TOM1L2: variants seen among roughly 807,000 people sequenced by gnomAD.
TOM1L2 encodes TOM1-like protein 2.
TOM1L2 carries 31 observed loss-of-function variants against 67.9 expected under a neutral mutation model. The ratio of observed to expected loss-of-function variants is 0.46; its 90% CI spans 0.34 to 0.62. The LOEUF (loss-of-function observed/expected upper bound fraction) is 0.62, where lower values mean the gene tolerates loss of function less well. Among genes scored for constraint, TOM1L2 ranks in the 20% least tolerant of loss-of-function variants. The pLI is 0.01. For missense variants in TOM1L2, 606 were observed against 663.5 expected (o/e 0.91, Z 0.95); for synonymous variants, 256 against 254.0 (o/e 1.01, Z -0.07).
Position 17,961,789 on chromosome 17 carries a change from G to A in TOM1L2, c.52+10473C>T, listed in dbSNP as rs183778523. Among the ~76,000 whole-genome samples, 1,213 of 151,282 alleles carry A rather than the reference G, an allele frequency of 8.0e-3. 11 individuals are homozygous for A. The highest frequency in any genetic ancestry group is 0.029 in the African/African-American group (1,177 of 41,220). On this transcript the variant is annotated intron_variant, in intron 1 of 14. Coordinates refer to ENST00000379504, the MANE Select transcript of TOM1L2 (RefSeq NM_001082968.2). ...CGGGAGGCTGAGGCAGGAGAATGGC[G>A]TGAACCCGGGAGGTGGAGCTTGCAG...
At chr17:17,876,276 T>C (rs765794471) in intron 7 of TOM1L2, among the ~76,000 whole-genome samples, 11 of 152,162 alleles carry the variant, frequency 7.2e-5, no homozygotes, top group African/African-American at 2.7e-4. Flanking sequence ...ATGACAAAGA[T>C]AGGCTTAACC....
intron 1 of TOM1L2, among the ~76,000 whole-genome samples, chr17:17,937,731 T>C (rs935515037): frequency 5.9e-5 from 9 of 152,162 alleles, no homozygotes; most frequent in Admixed American, 5.9e-4. Context: ...AGTGCAAGGA[T>C]AAATGACACT....
At chr17:17,970,870 GT>G (rs750044741) in intron 1 of TOM1L2, among the ~76,000 whole-genome samples, 4 of 152,130 alleles carry the variant, frequency 2.6e-5, no homozygotes, top group Non-Finnish European at 5.9e-5. Context: ...CATAAAAGAC[GT>G]TTTACCAGTC....
chr17:17,943,802 T>G (rs2040830908), intron 1 of TOM1L2, among the ~76,000 whole-genome samples: 1 of 152,186 alleles, frequency 6.6e-6, no homozygotes. Flanking sequence ...GGTGACTATC[T>G]CTAACCAGCC....
chr17:17,871,509 A>G (rs2037155015), intron 7 of TOM1L2, among the ~76,000 whole-genome samples: 1 of 152,124 alleles, frequency 6.6e-6, no homozygotes, highest in South Asian at 2.1e-4. Flanking sequence ...ATCTCTACGA[A>G]AAAATACAAA....
At chr17:17,904,846 A>G (rs954799660) in intron 2 of TOM1L2, among the ~76,000 whole-genome samples, 1 of 152,174 alleles carries the variant, frequency 6.6e-6, no homozygotes, top group African/African-American at 2.4e-5. Flanking sequence ...ATCCTGGAAG[A>G]CAGCCCCTCC....
intron 12 of TOM1L2, among the ~76,000 whole-genome samples, chr17:17,852,956 C>T (rs2036066787): frequency 6.6e-6 from 1 of 150,670 alleles, no homozygotes; most frequent in Non-Finnish European, 1.5e-5. Context: ...GGACAGGAGG[C>T]ATGTGGGTCC....
intron 2 of TOM1L2, among the ~76,000 whole-genome samples, chr17:17,904,079 T>C (rs1237194220): frequency 6.6e-6 from 1 of 152,170 alleles, no homozygotes; most frequent in African/African-American, 2.4e-5. Flanking sequence ...GCAATCCTCC[T>C]GCCTCAGCCT....
At chr17:17,965,019 T>C (rs1568403569) in intron 1 of TOM1L2, among the ~76,000 whole-genome samples, 1 of 152,290 alleles carries the variant, frequency 6.6e-6, no homozygotes, top group East Asian at 1.9e-4. Flanking sequence ...CCTTGGCACC[T>C]TTCTGTTTCT....
chr17:17,940,192 C>CA (rs34433429), intron 1 of TOM1L2, among the ~76,000 whole-genome samples: 4,028 of 32,252 alleles, frequency 0.12, 529 homozygotes, highest in African/African-American at 0.2. Context: ...GACTCTATCT[C>CA]AAAAAAAAAA....
At chr17:17,853,443 C>T (rs183034102) in intron 12 of TOM1L2, among the ~76,000 whole-genome samples, 8 of 152,246 alleles carry the variant, frequency 5.3e-5, no homozygotes, top group Admixed American at 5.2e-4. Flanking sequence ...AGAACAAATC[C>T]CTTGAGGCCT....
chr17:17,894,936 C>CATAT (rs2038479572), intron 3 of TOM1L2, among the ~76,000 whole-genome samples: 1 of 106,970 alleles, frequency 9.3e-6, no homozygotes, highest in South Asian at 2.5e-4. Flanking sequence ...GTCTCAAAAA[C>CATAT]ATACATACAT....
chr17:17,948,920 G>A (rs2041067271), intron 1 of TOM1L2, among the ~76,000 whole-genome samples: 1 of 152,162 alleles, frequency 6.6e-6, no homozygotes, highest in Non-Finnish European at 1.5e-5. Context: ...GAAAGAGTTG[G>A]AGTACAGAGC....
intron 1 of TOM1L2, among the ~76,000 whole-genome samples, chr17:17,909,426 GA>G (rs1343869497): frequency 1.3e-5 from 2 of 152,088 alleles, no homozygotes; most frequent in African/African-American, 4.8e-5. Flanking sequence ...AAAAAGGAAG[GA>G]AATCCTATTG....
In TOM1L2 at chr17:17,972,302, G is replaced by A; in HGVS notation, c.12C>T (p.Leu4=). ...CTGGTGTGCTGAACGGGTTCCCCAG[G>A]AGGAACTCCATCTTGGGTGGACAAC... MEF[L]LGNPFSTPVG... Residue 4 remains leucine (L), a synonymous_variant, in exon 1 of 15, where the codon CTC becomes CTT. Coordinates refer to ENST00000379504, the MANE Select transcript of TOM1L2 (RefSeq NM_001082968.2). 6.4e-7 allele frequency: 1 copy of A among 1,551,862 alleles called. No homozygotes were observed. Among genetic ancestry groups the A allele is most frequent in the Non-Finnish European group, 8.7e-7 (1 of 1,148,306 alleles).
At chr17:17,897,116 G>A (rs893242542) in intron 3 of TOM1L2, among the ~76,000 whole-genome samples, 19 of 152,266 alleles carry the variant, frequency 1.2e-4, no homozygotes, top group East Asian at 5.8e-4. Context: ...CATCCAACAC[G>A]ATTACCATGA....
chr17:17,957,671 G>A (rs1193208195), intron 1 of TOM1L2, among the ~76,000 whole-genome samples: 1 of 150,838 alleles, frequency 6.6e-6, no homozygotes, highest in African/African-American at 2.4e-5. Context: ...TATAAAATAT[G>A]TATATGTATA....
At chr17:17,850,708 C>CT (rs1321146341) in intron 13 of TOM1L2, among the ~76,000 whole-genome samples, 185 bp downstream of exon 13, 1 of 152,206 alleles carries the variant, frequency 6.6e-6, no homozygotes, top group Non-Finnish European at 1.5e-5. Context: ...CGGGAGGCCA[C>CT]TGCAGCACCC....
chr17:17,928,171 GT>G (rs141755585), intron 1 of TOM1L2, among the ~76,000 whole-genome samples: 3,749 of 151,090 alleles, frequency 0.025, 129 homozygotes, highest in African/African-American at 0.08. Flanking sequence ...AAAAAAATCA[GT>G]AGGAGACAGC....
Sources: gnomAD v4.1 joint callset for allele counts (sites outside exome capture counted in the v4.1 genomes callset) on GRCh38, gnomAD v4.1.1 for gene constraint, MANE v1.5 for transcripts, NCBI Gene and HGNC (gene_info 2026-07-23, HGNC 2026-07-21) for gene names.